Variants in VPS13A observed in about 807,000 individuals in gnomAD.
VPS13A encodes the protein intermembrane lipid transfer protein VPS13A.
A neutral mutation model predicts 390.9 loss-of-function variants in VPS13A; 264 were observed. The observed-to-expected ratio is 0.68, with a 90% CI of 0.61 to 0.75. VPS13A has a LOEUF of 0.75. VPS13A is among the 30% of genes least tolerant of loss of function. VPS13A has a pLI of 0.00. For missense variants in VPS13A, 3,409 were observed against 3,733.9 expected (o/e 0.91, Z 2.27); for synonymous variants, 1,231 against 1,227.1 (o/e 1.00, Z -0.07).
intron 52 of VPS13A, among the ~76,000 whole-genome samples, chr9:77,347,556 A>G (rs1831222333): frequency 6.6e-6 from 1 of 152,108 alleles, no homozygotes; most frequent in South Asian, 2.1e-4. Flanking sequence ...GGCTCACTGC[A>G]GCCTCCACCT....
chr9:77,306,619 G>GAGGA (rs1239641595), intron 34 of VPS13A, among the ~76,000 whole-genome samples: 1 of 152,116 alleles, frequency 6.6e-6, no homozygotes, highest in East Asian at 1.9e-4. Context: ...TTCTTGCTTA[G>GAGGA]AGGAGGTCAG....
At chr9:77,230,354 C>T (rs886778961) in intron 17 of VPS13A, among the ~76,000 whole-genome samples, 1 of 151,992 alleles carries the variant, frequency 6.6e-6, no homozygotes, top group African/African-American at 2.4e-5. Context: ...GAATTTTATG[C>T]TATTTCCTCT....
Position 77,416,161 on chromosome 9 carries a change from A to G in VPS13A, c.*155A>G. 2.3e-6 allele frequency: 2 copies of G among 870,190 alleles called. No homozygotes were observed. The highest frequency in any genetic ancestry group is 2.5e-5 in the East Asian group (1 of 39,580). The allele number at this position is 870,190 out of a possible 1,614,324, so 53.9% of individuals were successfully genotyped here. ...AAACAAACAAAAAAACAAAAACAAAAAAACAAAACCAGAATCAGGTAAAAC... is the reference window on the plus strand; with the variant it reads ...AAACAAACAAAAAAACAAAAACAAAGAAACAAAACCAGAATCAGGTAAAAC... On this transcript the variant is annotated 3_prime_UTR_variant, in exon 72 of 72. Coordinates refer to ENST00000360280, the MANE Select transcript of VPS13A (RefSeq NM_033305.3).
At position 77,214,387 on chromosome 9, in the gene VPS13A, G is replaced by C; in HGVS notation, c.754+1G>C. The C allele has an allele frequency of 6.2e-7, 1 of 1,610,758 alleles. No individual in the cohort carries two copies. Among genetic ancestry groups the C allele is most frequent in the Non-Finnish European group, 8.5e-7 (1 of 1,177,258 alleles). On this transcript the variant is annotated splice_donor_variant, in intron 10 of 71. Coordinates refer to ENST00000360280, the MANE Select transcript of VPS13A (RefSeq NM_033305.3). LOFTEE classifies it high-confidence loss of function. The stretch of plus-strand genomic sequence containing the variant: ...ATTGTTCCAGAAGGTTATGATTTTG[G>C]TAAGTACATTTTATAAGATAAAAAA...
intron 67 of VPS13A, among the ~76,000 whole-genome samples, chr9:77,373,426 T>TA: frequency 7.9e-6 from 1 of 126,170 alleles, no homozygotes. Flanking sequence ...GAAAACTAGC[T>TA]AGCCATATGT....
At position 77,417,408 on chromosome 9, in the gene VPS13A, TTCTC is replaced by T. The variant is rs1298475210; in HGVS notation, c.*1406_*1409del. On this transcript the variant is annotated 3_prime_UTR_variant, in exon 72 of 72. Transcript: ENST00000360280. The stretch of plus-strand genomic sequence containing the variant: ...ACCAAATCTACTAAATGCTATTGAT[TTCTC>T]TCTGATTACTAAAACACATTGTTTA... The T allele has an allele frequency of 5.9e-5, 9 of 152,204 alleles. No homozygotes were observed. The highest frequency in any genetic ancestry group is 1.9e-4 in the African/African-American group (8 of 41,460). 9.4% of individuals were successfully genotyped at this position (152,204 alleles called of 1,614,324 possible).
chr9:77,358,310 T>A, intron 56 of VPS13A, 47 bp from the exon 57 acceptor site: 1 of 1,442,486 alleles, frequency 6.9e-7, no homozygotes, highest in Non-Finnish European at 9.8e-7. Flanking sequence ...TCTGGTCAGG[T>A]TGTATAATTG....
intron 22 of VPS13A, 53 bp from the exon 23 acceptor site, chr9:77,260,033 C>T (rs1320365514): frequency 3.1e-5 from 37 of 1,208,418 alleles, no homozygotes; most frequent in Non-Finnish European, 4.1e-5. Context: ...AATTAGTGCA[C>T]TTAAATCAGA....
chr9:77,301,189 AAGATAT>A (rs1341928287), intron 33 of VPS13A, among the ~76,000 whole-genome samples: 3 of 152,218 alleles, frequency 2.0e-5, no homozygotes, highest in African/African-American at 7.2e-5. Flanking sequence ...TATATAGATG[AAGATAT>A]AGATATAGAT....
chr9:77,209,881 C>G (rs1255641024), intron 6 of VPS13A, among the ~76,000 whole-genome samples: 2 of 152,150 alleles, frequency 1.3e-5, no homozygotes, highest in Non-Finnish European at 2.9e-5. Context: ...TAAATAATTC[C>G]TTGATCCTGA....
Position 77,228,209 on chromosome 9 carries a change from G to A in VPS13A, c.1540G>A (p.Val514Ile). 6.2e-7 allele frequency: 1 copy of A among 1,603,906 alleles called. No individual in the cohort carries two copies. The change falls in exon 17 of 72, where the codon GTA (valine) becomes ATA (isoleucine). Residue 514 changes from valine (V) to isoleucine (I), a missense_variant. Physicochemically the swap from Val to Ile is conservative, Grantham distance 29. Transcript: ENST00000360280. ...NHQKPELVDI[V>I]IEEFSTLIVQ... ...TCAAAAACCTGAGCTGGTAGATATTGTAATAGAAGAATTTAGCACCTTAAT... is the reference window on the plus strand; with the variant it reads ...TCAAAAACCTGAGCTGGTAGATATTATAATAGAAGAATTTAGCACCTTAAT...
At chr9:77,264,277 G>C (rs938455058) in intron 23 of VPS13A, among the ~76,000 whole-genome samples, 1 of 152,118 alleles carries the variant, frequency 6.6e-6, no homozygotes, top group Non-Finnish European at 1.5e-5. Context: ...TGGCTATACG[G>C]GCTCTTTTTT....
intron 68 of VPS13A, chr9:77,384,848 A>G: frequency 1.4e-6 from 2 of 1,444,440 alleles, no homozygotes; most frequent in Admixed American, 2.7e-5. Context: ...ATTTAAGCAC[A>G]GAAAAAAATG....
chr9:77,207,181 C>T (rs1482934737), intron 5 of VPS13A, among the ~76,000 whole-genome samples: 1 of 105,636 alleles, frequency 9.5e-6, no homozygotes, highest in Non-Finnish European at 2.0e-5. Flanking sequence ...AAATATGGTG[C>T]TCAAACCTCT....
At chr9:77,209,145 TA>T (rs747512306) in intron 5 of VPS13A, among the ~76,000 whole-genome samples, 1 of 152,196 alleles carries the variant, frequency 6.6e-6, no homozygotes, top group Non-Finnish European at 1.5e-5. Context: ...TCTTCATTTT[TA>T]AATATATTTT....
chr9:77,272,826 T>G (rs1289032207), intron 23 of VPS13A, among the ~76,000 whole-genome samples: 1 of 152,190 alleles, frequency 6.6e-6, no homozygotes, highest in African/African-American at 2.4e-5. Flanking sequence ...TATTATTATT[T>G]TTTTAAACTG....
intron 71 of VPS13A, among the ~76,000 whole-genome samples, chr9:77,414,483 A>G (rs1835079415): frequency 6.6e-6 from 1 of 151,984 alleles, no homozygotes; most frequent in Non-Finnish European, 1.5e-5. Flanking sequence ...GCAAACTATC[A>G]CAAGGACAAA....
chr9:77,259,879 A>C (rs750590691), intron 22 of VPS13A, among the ~76,000 whole-genome samples: 7 of 152,220 alleles, frequency 4.6e-5, no homozygotes, highest in Non-Finnish European at 8.8e-5. Context: ...AGGACATTAC[A>C]TGAAATAAGA....
At chr9:77,370,211 G>A in intron 63 of VPS13A, 46 bp from the exon 64 acceptor site, 1 of 1,601,984 alleles carries the variant, frequency 6.2e-7, no homozygotes, top group Non-Finnish European at 8.6e-7. Flanking sequence ...ATCTTTAAAA[G>A]TGAATATAAC....
Sources: gnomAD v4.1 joint callset for allele counts (sites outside exome capture counted in the v4.1 genomes callset) on GRCh38, gnomAD v4.1.1 for gene constraint, MANE v1.5 for transcripts, NCBI Gene and HGNC (gene_info 2026-07-23, HGNC 2026-07-21) for gene names.